The following ZNF609 variants were observed in gnomAD, a reference collection of about 807,000 sequenced individuals.
The protein encoded by ZNF609 is zinc finger protein 609.
Under a neutral mutation model 109.5 loss-of-function variants are expected in ZNF609, and 11 were observed. The observed-to-expected ratio is 0.10, with a 90% CI of 0.06 to 0.17. The LOEUF (loss-of-function observed/expected upper bound fraction) is 0.17. Among genes scored for constraint, ZNF609 ranks in the 10% least tolerant of loss-of-function variants. ZNF609 has a pLI of 1.00. For missense variants in ZNF609, 1,559 were observed against 1,772.4 expected, an observed-to-expected ratio of 0.88 and a Z score of 2.16; for synonymous variants, 646 against 662.0, an observed-to-expected ratio of 0.98 and a Z score of 0.37.
chr15:64,523,762 CAA>C (rs565073455), intron 2 of ZNF609, among the ~76,000 whole-genome samples: 2 of 125,762 alleles, frequency 1.6e-5, no homozygotes, highest in Non-Finnish European at 1.7e-5. Flanking sequence ...GACTCCATCT[CAA>C]AAAAAAAAAA....
At chr15:64,516,999 T>C (rs1273427726) in intron 2 of ZNF609, among the ~76,000 whole-genome samples, 1 of 152,232 alleles carries the variant, frequency 6.6e-6, no homozygotes. Context: ...AACTTTTTAC[T>C]TGATAATGTT....
rs978291983 is a variant in ZNF609, at chr15:64,635,207, A to G, written c.973+12155A>G. 2.4e-4 allele frequency among the ~76,000 whole-genome samples: 36 copies of G among 152,166 alleles called. 1 individual carries two copies. The highest frequency in any genetic ancestry group is 1.3e-4 in the Admixed American group (2 of 15,266). The stretch of plus-strand genomic sequence containing the variant: ...AGGCTGTGAGCTTGCCAGATAGGTA[A>G]GGTTGTTTGCAAATGAGATTCTTTT... On this transcript the variant is annotated intron_variant, in intron 3 of 9. Transcript: ENST00000326648.
intron 2 of ZNF609, among the ~76,000 whole-genome samples, chr15:64,547,192 T>C (rs1009357503): frequency 6.6e-6 from 1 of 152,226 alleles, no homozygotes; most frequent in African/African-American, 2.4e-5. Flanking sequence ...GTGTATGACC[T>C]TATATCAATG....
intron 1 of ZNF609, among the ~76,000 whole-genome samples, chr15:64,483,001 G>C (rs1047540212): frequency 1.3e-5 from 2 of 152,086 alleles, no homozygotes; most frequent in African/African-American, 2.4e-5. Flanking sequence ...CTAATAAAAG[G>C]CTATTTATAG....
chr15:64,562,669 CTTTG>C (rs1442092177), intron 2 of ZNF609, among the ~76,000 whole-genome samples: 3 of 151,128 alleles, frequency 2.0e-5, no homozygotes, highest in Admixed American at 6.6e-5. Context: ...GTTTTACATT[CTTTG>C]TTTATTTGCA....
chr15:64,670,080 G>C (rs571021257), intron 3 of ZNF609, among the ~76,000 whole-genome samples: 49 of 152,218 alleles, frequency 3.2e-4, no homozygotes, highest in Middle Eastern at 3.4e-3. Context: ...CTGGGCAACA[G>C]AGCAAAACCC....
chr15:64,500,253 G>A (rs1679221758), intron 2 of ZNF609, 87 bp downstream of exon 2: 2 of 1,529,682 alleles, frequency 1.3e-6, no homozygotes, highest in Admixed American at 1.9e-5. Context: ...TACTCTGTGG[G>A]AGGCTCATTA....
Position 64,499,515 on chromosome 15 carries a change from G to A in ZNF609, c.96G>A (p.Gly32=), listed in dbSNP as rs754185561. Residue 32 remains glycine (G), a synonymous_variant, in exon 2 of 10, where the codon GGG becomes GGA. Transcript: ENST00000326648. ...DSGDEWDIGV[G]NLIIDLDADL... ...GGGATGAATGGGACATTGGAGTAGG[G>A]AATCTCATCATTGACCTGGACGCCG... The A allele has an allele frequency of 1.2e-6, 2 of 1,614,122 alleles. No homozygotes were observed. The highest frequency in any genetic ancestry group is 4.5e-5 in the East Asian group (2 of 44,868).
chr15:64,542,044 G>T (rs1894274614), intron 2 of ZNF609, among the ~76,000 whole-genome samples: 1 of 151,946 alleles, frequency 6.6e-6, no homozygotes, highest in African/African-American at 2.4e-5. Context: ...GCTATTCAGG[G>T]AGGCTGAAGC....
intron 2 of ZNF609, among the ~76,000 whole-genome samples, chr15:64,537,359 G>A (rs1336352723): frequency 6.6e-6 from 1 of 151,776 alleles, no homozygotes; most frequent in African/African-American, 2.4e-5. Flanking sequence ...AAATTAGCCG[G>A]GTGTGGTGGC....
In ZNF609 at chr15:64,618,561, G is replaced by A. The variant is rs554250886; in HGVS notation, c.748-4266G>A. ...GAAGAATTGGATCAAATGTGGGCTTGGAGAATGAGTGTAAGGTTTTATTGA... is the reference window on the plus strand; with the variant it reads ...GAAGAATTGGATCAAATGTGGGCTTAGAGAATGAGTGTAAGGTTTTATTGA... On this transcript the variant is annotated intron_variant, in intron 2 of 9. Coordinates refer to ENST00000326648, the MANE Select transcript of ZNF609 (RefSeq NM_015042.2). 3.9e-5 allele frequency among the ~76,000 whole-genome samples: 6 copies of A among 152,322 alleles called. No individual in the cohort carries two copies. The East Asian group carries it at 9.6e-4, about 24-fold the overall frequency.
chr15:64,672,761 C>T (rs1246883782), intron 4 of ZNF609, among the ~76,000 whole-genome samples: 1 of 150,054 alleles, frequency 6.7e-6, no homozygotes, highest in African/African-American at 2.5e-5. Context: ...GTCGGGAGAT[C>T]GAGACCATCC....
At chr15:64,559,810 T>C (rs80023694) in intron 2 of ZNF609, among the ~76,000 whole-genome samples, 25 of 152,256 alleles carry the variant, frequency 1.6e-4, no homozygotes, top group African/African-American at 5.5e-4. Flanking sequence ...TTCACAGATA[T>C]CTCGTTTAAT....
At chr15:64,599,092 A>G (rs955948963) in intron 2 of ZNF609, among the ~76,000 whole-genome samples, 5 of 149,096 alleles carry the variant, frequency 3.4e-5, no homozygotes, top group East Asian at 2.0e-4. Flanking sequence ...TTCTTTTCCC[A>G]TAATGTACTT....
intron 3 of ZNF609, among the ~76,000 whole-genome samples, chr15:64,637,469 C>T (rs1255115862): frequency 6.6e-6 from 1 of 152,100 alleles, no homozygotes; most frequent in Non-Finnish European, 1.5e-5. Context: ...CACAAGTTTC[C>T]CAAAATGTGT....
chr15:64,558,692 C>T (rs117819171), intron 2 of ZNF609, among the ~76,000 whole-genome samples: 487 of 152,286 alleles, frequency 3.2e-3, no homozygotes, highest in Admixed American at 6.6e-3. Flanking sequence ...CACATCATCA[C>T]ATCCTTCTTG....
At position 64,681,363 on chromosome 15, in the gene ZNF609, A is replaced by G; in HGVS notation, c.4217A>G (p.Tyr1406Cys). ...ASQQGSTPSL[Y>C]PPPRR Reference sequence around the variant, plus strand: ...CAACAAGGCTCAACTCCCTCACTCTACCCACCCCCCAGGAGGTGAGAATGG... The same window carrying G: ...CAACAAGGCTCAACTCCCTCACTCTGCCCACCCCCCAGGAGGTGAGAATGG... The change falls in exon 9 of 10, where the codon TAC becomes TGC. Residue 1406 changes from tyrosine to cysteine, a missense_variant. Physicochemically the swap from Tyr to Cys is radical, Grantham distance 194. Transcript: ENST00000326648. 6.2e-7 allele frequency: 1 copy of G among 1,613,772 alleles called. No individual in the cohort carries two copies. Among genetic ancestry groups the G allele is most frequent in the Non-Finnish European group, 8.5e-7 (1 of 1,179,896 alleles).
chr15:64,546,504 C>T (rs1894363244), intron 2 of ZNF609, among the ~76,000 whole-genome samples: 1 of 150,462 alleles, frequency 6.6e-6, no homozygotes, highest in Non-Finnish European at 1.5e-5. Context: ...CAGTGGTGAG[C>T]CCTGATTGCA....
At chr15:64,567,291 T>C (rs1378420816) in intron 2 of ZNF609, among the ~76,000 whole-genome samples, 1 of 151,956 alleles carries the variant, frequency 6.6e-6, no homozygotes, top group African/African-American at 2.4e-5. Flanking sequence ...CGAGACCATC[T>C]GGCCAACATG....
Sources: allele counts gnomAD v4.1 joint callset (sites outside exome capture counted in the v4.1 genomes callset), GRCh38; gene constraint gnomAD v4.1.1; transcripts MANE v1.5; gene names NCBI Gene and HGNC (gene_info 2026-07-23, HGNC 2026-07-21).